The following LENG8 variants were observed in gnomAD, a reference collection of about 807,000 sequenced individuals.
LENG8 encodes leukocyte receptor cluster (LRC) member 8.
LENG8 carries 28 observed loss-of-function variants against 102.1 expected under a neutral mutation model. That is an observed-to-expected ratio of 0.27 (90% CI 0.20 to 0.38). The LOEUF is 0.38. LENG8 is among the 10% of genes least tolerant of loss of function. LENG8 has a pLI of 1.00. For synonymous variants in LENG8, 531 were observed against 456.7 expected (o/e 1.16, Z -2.07); for missense variants, 1,022 against 1,113.9 (o/e 0.92, Z 1.17).
chr19:54,455,063 G>T lies in LENG8; in HGVS notation c.792G>T (p.Gln264His). 6.2e-7 allele frequency: 1 copy of T among 1,614,164 alleles called. No homozygotes were observed. Among genetic ancestry groups the T allele is most frequent in the South Asian group, 1.1e-5 (1 of 91,084 alleles). ...GCCAGCACAGTGGTTTTGGCCCCCA[G>T]CCCAACCCTGAGAAAGTTCAGAACC... ...AEGQHSGFGP[Q>H]PNPEKVQNHS... is the part of the protein sequence containing the mutation. Residue 264 changes from glutamine to histidine, a missense_variant, in exon 7 of 16, where the codon CAG becomes CAT. Physicochemically the swap from Gln to His is conservative, Grantham distance 24 (BLOSUM62 0). This residue lies in a region of LENG8 where 343 missense variants were observed against 320.2 expected (regional missense o/e 1.07). Coordinates refer to ENST00000326764, the MANE Select transcript of LENG8 (RefSeq NM_052925.4).
Position 54,454,603 on chromosome 19 carries a change from G to T in LENG8, c.600G>T (p.Thr200=). The part of the protein sequence containing the change: ...ATQHSQAGPA[T]GQAYGPHTYT... ...AGCACAGCCAGGCGGGGCCCGCCAC[G>T]GGCCAGGCCTATGGGCCACACACCT... Residue 200 remains threonine (T), a synonymous_variant, in exon 6 of 16, where the codon ACG becomes ACT. Coordinates refer to ENST00000326764, the MANE Select transcript of LENG8 (RefSeq NM_052925.4). 1.2e-6 allele frequency: 2 copies of T among 1,610,572 alleles called. No individual in the cohort carries two copies. The highest frequency in any genetic ancestry group is 1.7e-6 in the Non-Finnish European group (2 of 1,179,264).
intron 11 of LENG8, 39 bp from the exon 12 acceptor site, chr19:54,457,708 G>C: frequency 6.9e-7 from 1 of 1,447,990 alleles, no homozygotes; most frequent in Non-Finnish European, 9.7e-7. Flanking sequence ...CACGCTACCT[G>C]AGTTGTACTC....
chr19:54,450,432 C>T (rs946922868), intron 1 of LENG8, among the ~76,000 whole-genome samples: 2 of 152,102 alleles, frequency 1.3e-5, no homozygotes, highest in Admixed American at 6.5e-5. Flanking sequence ...TCCCCTTTTC[C>T]TCTCAAAATT....
At chr19:54,451,255 C>A in intron 1 of LENG8, 35 bp from the exon 2 acceptor site, 1 of 1,366,220 alleles carries the variant, frequency 7.3e-7, no homozygotes, top group Non-Finnish European at 1.0e-6. Flanking sequence ...TTTAGCTCCC[C>A]CTTAAGTCTC....
In LENG8 at chr19:54,461,508, A is replaced by G; in HGVS notation, c.*580A>G. The G allele has an allele frequency of 2.1e-6, 1 of 469,630 alleles. No individual in the cohort carries two copies. The highest frequency in any genetic ancestry group is 1.6e-5 in the South Asian group (1 of 64,450). The allele number at this position is 469,630 out of a possible 1,614,324, so 29.1% of individuals were successfully genotyped here. Reference sequence around the variant, plus strand: ...CTGAAGTGCCAGCACCACCAGCACCAGATCCTCCGCCGCCACACCGCACTG... The same window carrying G: ...CTGAAGTGCCAGCACCACCAGCACCGGATCCTCCGCCGCCACACCGCACTG... On this transcript the variant is annotated 3_prime_UTR_variant, in exon 16 of 16. Coordinates refer to ENST00000326764, the MANE Select transcript of LENG8 (RefSeq NM_052925.4).
At chr19:54,452,893 C>T in intron 4 of LENG8, 141 bp downstream of exon 4, 2 of 658,012 alleles carry the variant, frequency 3.0e-6, no homozygotes, top group East Asian at 2.6e-5. Context: ...AACCCTCTAA[C>T]TTGCCCAGGA....
At position 54,453,601 on chromosome 19, in the gene LENG8, G is replaced by C; in HGVS notation, c.371G>C (p.Gly124Ala). The C allele has an allele frequency of 6.2e-7, 1 of 1,614,012 alleles. No individual in the cohort carries two copies. Residue 124 changes from glycine to alanine, a missense_variant, in exon 5 of 16, where the codon GGC becomes GCC. This residue lies in a region of LENG8 where 343 missense variants were observed against 320.2 expected (regional missense o/e 1.07). Coordinates refer to ENST00000326764, the MANE Select transcript of LENG8 (RefSeq NM_052925.4). ...PSQYGMAGSY[G>A]SATPQQPSAP... ...CAGTATGGGATGGCCGGCTCCTATGGCTCAGCCACACCCCAGCAGCCATCC... is the reference window on the plus strand; with the variant it reads ...CAGTATGGGATGGCCGGCTCCTATGCCTCAGCCACACCCCAGCAGCCATCC...
chr19:54,457,540 C>T lies in LENG8; in HGVS notation c.1732-207C>T, dbSNP rs190276560. On this transcript the variant is annotated intron_variant, in intron 11 of 15. Coordinates refer to ENST00000326764, the MANE Select transcript of LENG8 (RefSeq NM_052925.4). ...ATTTTTAGTAGAGACGGGGTTTCACCATGTTGGCCAGGTTGGTCTCAAACT... is the reference window on the plus strand; with the variant it reads ...ATTTTTAGTAGAGACGGGGTTTCACTATGTTGGCCAGGTTGGTCTCAAACT... Among the ~76,000 whole-genome samples the T allele has an allele frequency of 4.5e-4, 68 of 152,250 alleles. 1 individual carries two copies. The East Asian group carries it at 0.012, about 27-fold the overall frequency.
At chr19:54,457,136 G>A (rs1035958352) in intron 11 of LENG8, among the ~76,000 whole-genome samples, 3 of 152,380 alleles carry the variant, frequency 2.0e-5, no homozygotes, top group African/African-American at 7.2e-5. Flanking sequence ...CTTGGCCGGC[G>A]AATCGCTTGA....
At position 54,455,477 on chromosome 19, in the gene LENG8, G is replaced by A. The variant is rs761349854; in HGVS notation, c.935G>A (p.Arg312His). The A allele has an allele frequency of 2.2e-5, 36 of 1,614,038 alleles. No individual in the cohort carries two copies. The highest frequency in any genetic ancestry group is 1.3e-4 in the East Asian group (6 of 44,886). Residue 312 changes from arginine (R) to histidine (H), a missense_variant, in exon 8 of 16, where the codon CGC (arginine) becomes CAC (histidine). Physicochemically the swap from Arg to His is conservative, Grantham distance 29. Around this residue, in one of 7 missense-constraint regions of LENG8, gnomAD observed 24 missense variants for 47.9 expected, o/e 0.50. Coordinates refer to ENST00000326764, the MANE Select transcript of LENG8 (RefSeq NM_052925.4). ...TGTGAGTCGGAGGAGGACAAGGACC[G>A]CACGGAAAAGCTGCTCAAGGAGGTG... ...TACESEEDKDRTEKLLKEVLQ... is the reference protein window; with the variant it reads ...TACESEEDKDHTEKLLKEVLQ...
At chr19:54,457,126 C>T in intron 11 of LENG8, among the ~76,000 whole-genome samples, 1 of 152,260 alleles carries the variant, frequency 6.6e-6, no homozygotes. Flanking sequence ...GGGTGTGCAG[C>T]TTGGCCGGCG....
In LENG8 at chr19:54,457,830, G is replaced by T. The variant is rs759288772; in HGVS notation, c.1815G>T (p.Ser605=). The change falls in exon 12 of 16, where the codon TCG becomes TCT. Residue 605 remains serine, a synonymous_variant. Coordinates refer to ENST00000326764, the MANE Select transcript of LENG8 (RefSeq NM_052925.4). ...CGTTTGCCTGCGAGCAGATGAAGTC[G>T]ATCCGGCAGGATCTGACGGTGAGAC... ...DYAFACEQMK[S]IRQDLTVQGI... The T allele has an allele frequency of 4.3e-6, 7 of 1,613,842 alleles. No individual in the cohort carries two copies. Among genetic ancestry groups the T allele is most frequent in the Middle Eastern group, 1.6e-4 (1 of 6,084 alleles).
intron 1 of LENG8, 62 bp from the exon 2 acceptor site, chr19:54,451,228 C>T (rs563069692): frequency 1.6e-5 from 17 of 1,089,646 alleles, no homozygotes; most frequent in East Asian, 4.7e-5. Context: ...CTTTTCTTCC[C>T]CACTTTGTGA....
intron 15 of LENG8, chr19:54,459,075 A>G (rs2084401353): frequency 1.4e-6 from 2 of 1,389,210 alleles, no homozygotes; most frequent in East Asian, 2.6e-5. Context: ...TTCACTAGAC[A>G]TTGCGCCTGG....
intron 7 of LENG8, 47 bp downstream of exon 7, chr19:54,455,139 A>C: frequency 6.2e-7 from 1 of 1,611,556 alleles, no homozygotes; most frequent in Non-Finnish European, 8.5e-7. Context: ...CTCTGCACTC[A>C]GCGTCTATGG....
chr19:54,459,038 C>T (rs1224349582), intron 15 of LENG8: 5 of 1,432,320 alleles, frequency 3.5e-6, no homozygotes, highest in Non-Finnish European at 4.6e-6. Context: ...GGCCCCTGGT[C>T]AGGCCATGCC....
Position 54,460,786 on chromosome 19 carries a change from T to C in LENG8, c.2261T>C (p.Val754Ala), listed in dbSNP as rs1189505662. 2.1e-6 allele frequency: 3 copies of C among 1,396,212 alleles called. No homozygotes were observed. The highest frequency in any genetic ancestry group is 3.9e-5 in the Admixed American group (2 of 50,972). 86.5% of individuals were successfully genotyped at this position (1,396,212 alleles called of 1,614,324 possible). Residue 754 changes from valine (V) to alanine (A), a missense_variant, in exon 16 of 16, where the codon GTC (valine) becomes GCC (alanine). Val to Ala is a moderately conservative substitution (Grantham distance 64). Around this residue, in one of 7 missense-constraint regions of LENG8, gnomAD observed 129 missense variants for 123.0 expected, o/e 1.05. Transcript: ENST00000326764. Reference protein sequence around the residue: ...MIKTFRPALPVSYLQAELAFE... With the variant: ...MIKTFRPALPASYLQAELAFE... ...CATAGCTTCCGCCCTGCGCTGCCAG[T>C]CTCCTACCTGCAGGCCGAGCTGGCC...
intron 15 of LENG8, chr19:54,459,119 T>G: frequency 1.5e-6 from 2 of 1,353,780 alleles, no homozygotes; most frequent in Non-Finnish European, 1.9e-6. Flanking sequence ...GCTTGACTCA[T>G]GTTTAGACGC....
At chr19:54,452,032 A>G (rs1019377369) in intron 2 of LENG8, 61 bp from the exon 3 acceptor site, 1 of 1,519,302 alleles carries the variant, frequency 6.6e-7, no homozygotes, top group South Asian at 1.2e-5. Flanking sequence ...TTGCCTCCCA[A>G]CTTGCCCACC....
Sources: gnomAD v4.1 joint callset for allele counts (sites outside exome capture counted in the v4.1 genomes callset) on GRCh38, gnomAD v4.1.1 for gene constraint, gnomAD v4.1.1 regional missense constraint, MANE v1.5 for transcripts, NCBI Gene and HGNC (gene_info 2026-07-23, HGNC 2026-07-21) for gene names.